SHANK2: variants seen among roughly 807,000 people sequenced by gnomAD.
SHANK2 encodes SH3 and multiple ankyrin repeat domains protein 2.
Under a neutral mutation model 133.7 loss-of-function variants are expected in SHANK2, and 43 were observed. The ratio of observed to expected loss-of-function variants is 0.32; its 90% CI spans 0.25 to 0.41. SHANK2 has a LOEUF of 0.41. SHANK2 is among the 10% of genes least tolerant of loss of function. SHANK2 has a pLI of 1.00. For synonymous variants in SHANK2, 1,017 were observed against 952.8 expected (o/e 1.07, Z -1.24); for missense variants, 1,994 against 2,235.8 (o/e 0.89, Z 2.18).
At chr11:70,786,739 C>A (rs1222015895) in intron 14 of SHANK2, among the ~76,000 whole-genome samples, 1 of 152,094 alleles carries the variant, frequency 6.6e-6, no homozygotes, top group Non-Finnish European at 1.5e-5. Context: ...GAAGGCTGCA[C>A]AGGGCTGGGA....
rs1954757614 is a variant in SHANK2 at position 71,232,415 on chromosome 11, A to T, written c.-112-7619T>A. Among the ~76,000 whole-genome samples, 3 of 152,236 alleles carry T rather than the reference A, an allele frequency of 2.0e-5. No individual in the cohort carries two copies. The South Asian group carries it at 6.2e-4, about 32-fold the overall frequency. On this transcript the variant is annotated intron_variant, in intron 1 of 25. Coordinates refer to ENST00000601538, the MANE Select transcript of SHANK2 (RefSeq NM_012309.5). ...TATTTCTTACAACTGCAATCATCTT[A>T]AAAATATAGTTGGCCCTTAAGCAAC...
At chr11:70,606,746 T>A (rs2136355235) in intron 17 of SHANK2, among the ~76,000 whole-genome samples, 1 of 152,280 alleles carries the variant, frequency 6.6e-6, no homozygotes, top group South Asian at 2.1e-4. Flanking sequence ...CAAGATGGAA[T>A]GGACCGTCTG....
rs370532876 is a variant in SHANK2 at position 70,914,668 on chromosome 11, TAAATAAAATA to T, written c.1108-18111_1108-18102del. 3.0e-3 allele frequency among the ~76,000 whole-genome samples: 317 copies of T among 107,282 alleles called. 1 individual carries two copies. The highest frequency in any genetic ancestry group is 8.3e-3 in the African/African-American group (226 of 27,108). 70.4% of individuals were successfully genotyped at this position (107,282 alleles called of 152,430 possible). A position where few individuals can be genotyped will look rare whatever the true frequency, so the allele number is the denominator to read the frequency against. On this transcript the variant is annotated intron_variant, in intron 10 of 25. Transcript: ENST00000601538. Reference sequence around the variant, plus strand: ...AAGAACCCTACCTCTACAAAAAAAATAAATAAAATAAAATAAAATAAAATAAAATAAAATA... The same window carrying T: ...AAGAACCCTACCTCTACAAAAAAAATAAATAAAATAAAATAAAATAAAATA...
At chr11:71,239,105 G>A (rs1954858258) in intron 1 of SHANK2, among the ~76,000 whole-genome samples, 1 of 152,272 alleles carries the variant, frequency 6.6e-6, no homozygotes, top group African/African-American at 2.4e-5. Flanking sequence ...GACCGGGAGG[G>A]GCCGCCAGGC....
chr11:70,568,443 C>T (rs2059995673), intron 17 of SHANK2, among the ~76,000 whole-genome samples: 1 of 152,162 alleles, frequency 6.6e-6, no homozygotes, highest in South Asian at 2.1e-4. Flanking sequence ...GCATTAAAAG[C>T]GAGTCTGAAG....
chr11:70,489,050 A>G (rs2058850460), intron 24 of SHANK2: 2 of 447,410 alleles, frequency 4.5e-6, no homozygotes, highest in Admixed American at 3.8e-5. Context: ...AGCAAAATAA[A>G]TTACTTGAAA....
At chr11:71,133,915 G>A (rs1291202494) in intron 3 of SHANK2, among the ~76,000 whole-genome samples, 3 of 139,240 alleles carry the variant, frequency 2.2e-5, no homozygotes, top group African/African-American at 8.3e-5. Flanking sequence ...CAGCCCAAAG[G>A]AAAACTATGT....
intron 10 of SHANK2, among the ~76,000 whole-genome samples, chr11:70,912,079 CAAAAAAAAAAAAAAAAAAAAAAAAAA>C (rs536602235): frequency 9.0e-4 from 73 of 81,216 alleles, no homozygotes; most frequent in African/African-American, 3.1e-3. Context: ...GAGACTCTGT[CAAAAAAAAAAAAAAAAAAAAAAAAAA>C]AAAAAAAAAA....
chr11:70,595,913 G>C (rs755613353), intron 17 of SHANK2, among the ~76,000 whole-genome samples: 1 of 152,250 alleles, frequency 6.6e-6, no homozygotes. Flanking sequence ...CCAGCGACTG[G>C]TGTCCTTGTG....
chr11:70,676,946 G>A (rs1291791264), intron 15 of SHANK2, among the ~76,000 whole-genome samples: 1 of 152,122 alleles, frequency 6.6e-6, no homozygotes, highest in Non-Finnish European at 1.5e-5. Context: ...TGGTTTCCTT[G>A]GACTCAACCG....
chr11:70,489,027 T>A, intron 24 of SHANK2: 1 of 384,622 alleles, frequency 2.6e-6, no homozygotes, highest in Non-Finnish European at 4.9e-6. Flanking sequence ...AGCATGCAGG[T>A]TTTCAAAGAG....
At position 70,486,561 on chromosome 11, in the gene SHANK2, G is replaced by A. The variant is rs1555153705; in HGVS notation, c.3732C>T (p.Asn1244=). ...TTTTGGTATCAATGTAAAGAGGTTT[G>A]TTGAGGTCGGCCTTGGGGGCCTCCC... The part of the protein sequence containing the change: ...PKGEAPKADL[N]KPLYIDTKMR... Residue 1244 remains asparagine, a synonymous_variant, in exon 25 of 26, where the codon AAC becomes AAT. Transcript: ENST00000601538. The surrounding 1 kb of genome is among the most constrained non-coding windows in gnomAD (Gnocchi z 8.0). The A allele has an allele frequency of 1.9e-6, 3 of 1,614,020 alleles. No individual in the cohort carries two copies. The highest frequency in any genetic ancestry group is 1.7e-5 in the Admixed American group (1 of 60,014).
chr11:70,860,696 C>T (rs562548543), intron 11 of SHANK2, among the ~76,000 whole-genome samples: 1 of 152,210 alleles, frequency 6.6e-6, no homozygotes, highest in Admixed American at 6.5e-5. Context: ...AAATGAAATG[C>T]GAGCATGCAT....
chr11:70,523,508 G>C (rs985407817), intron 17 of SHANK2, among the ~76,000 whole-genome samples: 7 of 152,120 alleles, frequency 4.6e-5, no homozygotes, highest in East Asian at 3.9e-4. Context: ...TGACTGGAAG[G>C]GGGGATGCAG....
intron 8 of SHANK2, among the ~76,000 whole-genome samples, chr11:71,086,014 ATAACATATT>A (rs1951398701): frequency 1.2e-3 from 105 of 86,246 alleles, no homozygotes; most frequent in African/African-American, 4.0e-3. Context: ...ATTATTATAT[ATAACATATT>A]ATATGTTATA....
chr11:70,652,497 C>G (rs1405669354), intron 17 of SHANK2, among the ~76,000 whole-genome samples: 1 of 152,002 alleles, frequency 6.6e-6, no homozygotes, highest in Admixed American at 6.6e-5. Context: ...TGATGAAAGA[C>G]AAGATGATAA....
intron 11 of SHANK2, among the ~76,000 whole-genome samples, chr11:70,838,451 G>C (rs1205210915): frequency 6.6e-6 from 1 of 152,162 alleles, no homozygotes. Context: ...TCTGAGGTGT[G>C]TTTAGTTTTT....
At chr11:70,531,124 C>A (rs2059462151) in intron 17 of SHANK2, among the ~76,000 whole-genome samples, 1 of 130,490 alleles carries the variant, frequency 7.7e-6, no homozygotes, top group Non-Finnish European at 1.5e-5. Flanking sequence ...CACCACTGTA[C>A]CCCAGCCTGG....
intron 2 of SHANK2, among the ~76,000 whole-genome samples, chr11:71,158,880 T>C (rs782473476): frequency 1.3e-5 from 2 of 152,134 alleles, no homozygotes; most frequent in South Asian, 4.1e-4. Flanking sequence ...GGTATTCACA[T>C]GGAGAAGATG....
Sources: allele counts gnomAD v4.1 joint callset (sites outside exome capture counted in the v4.1 genomes callset), GRCh38; gene constraint gnomAD v4.1.1; non-coding constraint Gnocchi (gnomAD v3.1); transcripts MANE v1.5; gene names NCBI Gene and HGNC (gene_info 2026-07-23, HGNC 2026-07-21).